The following FBXL13 variants were observed in gnomAD, a reference collection of about 807,000 sequenced individuals.
The protein encoded by FBXL13 is F-box and leucine rich repeat protein 13.
Under a neutral mutation model 83.6 loss-of-function variants are expected in FBXL13, and 67 were observed. The observed-to-expected ratio is 0.80, with a 90% CI of 0.66 to 0.98. FBXL13 has a LOEUF of 0.98. Ranked by LOEUF, FBXL13 falls within the 50% of genes least tolerant of loss-of-function variation. The pLI is 0.00. For missense variants in FBXL13, 822 were observed against 866.5 expected (o/e 0.95, Z 0.64); for synonymous variants, 272 against 299.5 (o/e 0.91, Z 0.95).
chr7:102,831,006 T>C (rs2129447250), intron 18 of FBXL13, among the ~76,000 whole-genome samples: 1 of 152,252 alleles, frequency 6.6e-6, no homozygotes, highest in Middle Eastern at 3.4e-3. Flanking sequence ...CGCATCTCTA[T>C]TGTAAGCTTC....
At chr7:102,952,782 T>C (rs575906505) in intron 8 of FBXL13, among the ~76,000 whole-genome samples, 4 of 152,142 alleles carry the variant, frequency 2.6e-5, no homozygotes, top group Admixed American at 2.6e-4. Flanking sequence ...TCAGGAGTTC[T>C]AGACCACCCT....
intron 10 of FBXL13, among the ~76,000 whole-genome samples, chr7:102,915,250 T>C (rs1043076184): frequency 6.6e-6 from 1 of 151,762 alleles, no homozygotes; most frequent in Admixed American, 6.6e-5. Flanking sequence ...GACAATTAAA[T>C]GAGAATACAG....
chr7:102,970,867 A>T (rs1826562257), intron 6 of FBXL13, among the ~76,000 whole-genome samples: 1 of 152,222 alleles, frequency 6.6e-6, no homozygotes, highest in Non-Finnish European at 1.5e-5. Context: ...ACAAATGAAT[A>T]TGTACCTGAA....
chr7:103,024,963 C>A, intron 6 of FBXL13, 100 bp downstream of exon 7: 1 of 797,338 alleles, frequency 1.3e-6, no homozygotes, highest in Middle Eastern at 4.1e-4. Context: ...TGGGTTCAAG[C>A]AATTCTCCTG....
chr7:103,046,112 A>G (rs1202892190), intron 2 of FBXL13, among the ~76,000 whole-genome samples: 2 of 152,244 alleles, frequency 1.3e-5, no homozygotes, highest in Admixed American at 6.5e-5. Context: ...CTAAAATTAA[A>G]TAGATTAAAG....
intron 6 of FBXL13, among the ~76,000 whole-genome samples, chr7:102,994,818 C>T (rs746606855): frequency 6.6e-6 from 1 of 152,198 alleles, no homozygotes; most frequent in East Asian, 1.9e-4. Context: ...GTTCAGGCCA[C>T]GTGGACAGAA....
intron 11 of FBXL13, among the ~76,000 whole-genome samples, chr7:102,890,715 A>G (rs1811434669): frequency 6.6e-6 from 1 of 152,222 alleles, no homozygotes; most frequent in African/African-American, 2.4e-5. Flanking sequence ...CAGGGATGAT[A>G]ACATCATATG....
intron 6 of FBXL13, among the ~76,000 whole-genome samples, chr7:103,009,564 C>CA (rs1791367691): frequency 1.3e-5 from 2 of 152,248 alleles, no homozygotes; most frequent in Non-Finnish European, 2.9e-5. Context: ...GAAAGCCAGT[C>CA]AGACATTTTT....
intron 6 of FBXL13, among the ~76,000 whole-genome samples, chr7:102,986,364 C>G (rs1585248421): frequency 6.6e-6 from 1 of 152,326 alleles, no homozygotes; most frequent in East Asian, 1.9e-4. Context: ...ATTTGTGCCA[C>G]ATTCCCATGT....
chr7:102,813,268 T>TA, exon 20 of FBXL13: 1 of 1,364,188 alleles, frequency 7.3e-7, no homozygotes. Context: ...ATTCAGCTAG[T>TA]AAACATACTT....
chr7:102,836,310 T>C (rs908628848), intron 17 of FBXL13, among the ~76,000 whole-genome samples: 3 of 152,234 alleles, frequency 2.0e-5, no homozygotes, highest in African/African-American at 7.2e-5. Context: ...CAGTGGCAGA[T>C]TGGCGAACTA....
At chr7:103,028,349 T>G (rs142633035) in intron 4 of FBXL13, among the ~76,000 whole-genome samples, 2 of 152,342 alleles carry the variant, frequency 1.3e-5, no homozygotes, top group Non-Finnish European at 2.9e-5. Context: ...GTAGATTCTA[T>G]TTATATTCAT....
chr7:102,899,419 T>C (rs911651866), intron 11 of FBXL13, among the ~76,000 whole-genome samples: 1 of 152,224 alleles, frequency 6.6e-6, no homozygotes, highest in Non-Finnish European at 1.5e-5. Context: ...CTTGGTAGGC[T>C]TCTTTGTGAA....
At chr7:103,065,461 T>C (rs953262042) in intron 1 of FBXL13, among the ~76,000 whole-genome samples, 3 of 152,286 alleles carry the variant, frequency 2.0e-5, no homozygotes, top group African/African-American at 7.2e-5. Context: ...AGTTCTCATG[T>C]CCCTCTCCAG....
chr7:103,033,040 T>C (rs1262517304), intron 2 of FBXL13, among the ~76,000 whole-genome samples: 1 of 152,122 alleles, frequency 6.6e-6, no homozygotes, highest in Non-Finnish European at 1.5e-5. Context: ...TCTGTCTGTC[T>C]GTCTCTGTCT....
At chr7:103,071,571 T>TA (rs1798961771) in intron 1 of FBXL13, among the ~76,000 whole-genome samples, 2 of 148,054 alleles carry the variant, frequency 1.4e-5, no homozygotes, top group South Asian at 4.3e-4. Flanking sequence ...TTTTTTTTTT[T>TA]AATTTTTGTA....
intron 2 of FBXL13, among the ~76,000 whole-genome samples, chr7:103,032,147 T>C (rs1468958174): frequency 6.6e-6 from 1 of 152,164 alleles, no homozygotes; most frequent in Non-Finnish European, 1.5e-5. Flanking sequence ...TGAAAAGATA[T>C]TATATGTAGC....
At chr7:102,857,210 G>A (rs1224153714) in intron 16 of FBXL13, among the ~76,000 whole-genome samples, 1 of 136,240 alleles carries the variant, frequency 7.3e-6, no homozygotes, top group Non-Finnish European at 1.6e-5. Flanking sequence ...AAAACCACAG[G>A]CAACAAAAAC....
chr7:102,924,831 C>T (rs1053831268), intron 10 of FBXL13, among the ~76,000 whole-genome samples: 6 of 151,680 alleles, frequency 4.0e-5, no homozygotes, highest in South Asian at 2.1e-4. Context: ...TTAGTAGAGA[C>T]GGGGTTTCAC....
Sources: allele counts gnomAD v4.1 joint callset (sites outside exome capture counted in the v4.1 genomes callset), GRCh38; gene constraint gnomAD v4.1.1; transcripts MANE v1.5; gene names NCBI Gene and HGNC (gene_info 2026-07-23, HGNC 2026-07-21).